The following SNED1 variants were observed in gnomAD, a reference collection of about 807,000 sequenced individuals.
SNED1 encodes the protein sushi, nidogen and EGF like domains 1, also known as sushi, nidogen and EGF-like domain-containing protein 1.
In SNED1, 81 loss-of-function variants were observed where a neutral mutation model predicts 166.7. The ratio of observed to expected loss-of-function variants is 0.49; its 90% CI spans 0.41 to 0.58. The LOEUF (loss-of-function observed/expected upper bound fraction) is 0.58. Among genes scored for constraint, SNED1 ranks in the 20% least tolerant of loss-of-function variants. The probability of loss-of-function intolerance (pLI) is 0.00; values close to 1 mark genes in which losing one functional copy is unlikely to be tolerated. For missense variants in SNED1, 1,604 were observed against 2,000.2 expected, an observed-to-expected ratio of 0.80 and a Z score of 3.78; for synonymous variants, 762 against 822.0, an observed-to-expected ratio of 0.93 and a Z score of 1.25.
intron 29 of SNED1, chr2:241,087,180 A>C: frequency 3.6e-6 from 2 of 549,426 alleles, no homozygotes; most frequent in Non-Finnish European, 6.5e-6. Context: ...TATTTTATGC[A>C]TATTACTGTA....
Position 241,064,995 on chromosome 2 carries a change from G to T in SNED1, c.2713+38G>T. The T allele has an allele frequency of 1.4e-6, 2 of 1,476,670 alleles. No homozygotes were observed. The highest frequency in any genetic ancestry group is 9.1e-7 in the Non-Finnish European group (1 of 1,094,392). 91.5% of individuals were successfully genotyped at this position (1,476,670 alleles called of 1,614,324 possible). On this transcript the variant is annotated intron_variant, in intron 20 of 31. Transcript: ENST00000310397. The surrounding 1 kb of genome is among the most constrained non-coding windows in gnomAD (Gnocchi z 7.0). ...GGCGCCTCCAGTGAGGGAGCCACGA[G>T]GGGGTCCCCTCTCCCTAGAGGGCCC...
Position 241,040,159 on chromosome 2 carries a change from C to T in SNED1, c.1130C>T (p.Ala377Val). The change falls in exon 7 of 32, where the codon GCC (alanine) becomes GTC (valine). Residue 377 changes from alanine to valine, a missense_variant. Ala to Val is a moderately conservative substitution (Grantham distance 64, BLOSUM62 0). Around this residue, in one of 2 missense-constraint regions of SNED1, gnomAD observed 1,237 missense variants for 1,620.8 expected, o/e 0.76. Transcript: ENST00000310397. The stretch of plus-strand genomic sequence containing the variant: ...GGCTCTGCGGTGTGTGTGTGCCAGG[C>T]CGGATACACCGGAGCAGCCTGCGAG... ...ENGSAVCVCQ[A>V]GYTGAACEMD... The T allele has an allele frequency of 6.3e-7, 1 of 1,599,968 alleles. No homozygotes were observed. Among genetic ancestry groups the T allele is most frequent in the Admixed American group, 1.7e-5 (1 of 58,268 alleles).
intron 1 of SNED1, among the ~76,000 whole-genome samples, chr2:241,022,185 C>T (rs973541167): frequency 6.6e-6 from 1 of 152,192 alleles, no homozygotes; most frequent in South Asian, 2.1e-4. Flanking sequence ...GTTGTCTTTT[C>T]ATTTCCTAAA....
intron 26 of SNED1, chr2:241,072,920 G>T: frequency 3.0e-6 from 1 of 338,714 alleles, no homozygotes. Context: ...AAGAAGCAGG[G>T]GTGGAAGGAG....
At chr2:241,039,686 A>G (rs2061468435) in intron 6 of SNED1, among the ~76,000 whole-genome samples, 1 of 151,716 alleles carries the variant, frequency 6.6e-6, no homozygotes, top group Non-Finnish European at 1.5e-5. Flanking sequence ...GGTGCTGCAC[A>G]CCCTTCCAGG....
intron 20 of SNED1, 122 bp from the exon 21 acceptor site, chr2:241,065,177 T>C: frequency 9.7e-7 from 1 of 1,035,596 alleles, no homozygotes; most frequent in Non-Finnish European, 1.4e-6. Context: ...AAAGAAGGAC[T>C]CTGCCAGCGA....
At chr2:241,089,940 C>G in intron 31 of SNED1, 1 of 1,538,088 alleles carries the variant, frequency 6.5e-7, no homozygotes. Context: ...CGTAGAAAAC[C>G]TACAGTAAAA....
At chr2:241,024,235 C>CTTTTTTTTTTTTTTTTTTT (rs10664618) in intron 1 of SNED1, among the ~76,000 whole-genome samples, 4 of 46,938 alleles carry the variant, frequency 8.5e-5, no homozygotes, top group Admixed American at 3.5e-4. Context: ...ACTCTACTAC[C>CTTTTTTTTTTTTTTTTTTT]TTTTTTTTTT....
chr2:241,084,481 T>A (rs56237915), intron 29 of SNED1, among the ~76,000 whole-genome samples: 3 of 152,072 alleles, frequency 2.0e-5, no homozygotes, highest in African/African-American at 7.2e-5. Flanking sequence ...ACCATACACA[T>A]CTTCAACTTC....
At chr2:241,076,888 G>A (rs1313653641) in intron 27 of SNED1, among the ~76,000 whole-genome samples, 3 of 152,294 alleles carry the variant, frequency 2.0e-5, no homozygotes, top group African/African-American at 4.8e-5. Context: ...TCAGGAGATC[G>A]AGACCATGGT....
At chr2:241,081,929 G>A in intron 28 of SNED1, 136 bp downstream of exon 28, 1 of 688,794 alleles carries the variant, frequency 1.5e-6, no homozygotes, top group South Asian at 1.7e-5. Context: ...GGTGCACGGG[G>A]CTGACCCCTG....
chr2:241,005,834 C>G (rs1198070260), intron 1 of SNED1, among the ~76,000 whole-genome samples: 1 of 152,048 alleles, frequency 6.6e-6, no homozygotes, highest in East Asian at 1.9e-4. Flanking sequence ...CTTTTTATCA[C>G]TGCTTTTCAG....
chr2:241,087,673 G>A, intron 30 of SNED1, 198 bp downstream of exon 30: 3 of 1,374,442 alleles, frequency 2.2e-6, no homozygotes, highest in South Asian at 3.7e-5. Flanking sequence ...ATACCCAGAG[G>A]GGCACAGCCG....
At chr2:241,039,981 G>T in intron 6 of SNED1, 94 bp from the exon 7 acceptor site, 2 of 994,722 alleles carry the variant, frequency 2.0e-6, no homozygotes, top group East Asian at 2.6e-5. Flanking sequence ...TAAGCCAGTT[G>T]GGGGTGGGGC....
chr2:241,065,267 C>G, intron 20 of SNED1, 32 bp from the exon 21 acceptor site: 1 of 1,609,738 alleles, frequency 6.2e-7, no homozygotes. Flanking sequence ...GCTGACCAGT[C>G]CCCTCCCCTT....
At chr2:241,072,415 C>T (rs2062777121) in intron 26 of SNED1, 1 of 361,176 alleles carries the variant, frequency 2.8e-6, no homozygotes, top group South Asian at 2.1e-5. Flanking sequence ...GACACAGAAG[C>T]CCTGAGACAT....
At position 241,036,780 on chromosome 2, in the gene SNED1, A is replaced by G. The variant is rs201187799; in HGVS notation, c.806-10A>G. 1.5e-4 allele frequency: 243 copies of G among 1,606,272 alleles called. No individual in the cohort carries two copies. In the African/African-American group the frequency reaches 2.9e-3, roughly 19 times the overall value. ...GCGGCTGAGGCTCCAGCCCCTCCCT[A>G]TGTCTGCAGCGTCCGTGTGCCTGGC... On this transcript the variant is annotated splice_polypyrimidine_tract_variant and intron_variant, in intron 4 of 31. Transcript: ENST00000310397.
chr2:241,004,440 A>G lies in SNED1; in HGVS notation c.213+5390A>G, dbSNP rs542585403. Among the ~76,000 whole-genome samples, 4 of 152,228 alleles carry G rather than the reference A, an allele frequency of 2.6e-5. No homozygotes were observed. The South Asian group carries it at 8.3e-4, about 32-fold the overall frequency. On this transcript the variant is annotated intron_variant, in intron 1 of 31. Coordinates refer to ENST00000310397, the MANE Select transcript of SNED1 (RefSeq NM_001080437.3). ...TTAACCTATCATCTTCCTATTTGTT[A>G]CATCTGTTCTCTATAGTTTCTTCTT... is the stretch of plus-strand genomic sequence containing the variant.
chr2:241,010,010 T>TGCCCAGAAAGCTGCCAGGAAATAAAAG (rs1395009192), intron 1 of SNED1: 2 of 152,312 alleles, frequency 1.3e-5, no homozygotes, highest in African/African-American at 4.8e-5. Flanking sequence ...GAATCCTAAT[T>TGCCCAGAAAGCTGCCAGGAAATAAAAG]GCCCAGAAAG....
Sources: allele counts gnomAD v4.1 joint callset (sites outside exome capture counted in the v4.1 genomes callset), GRCh38; gene constraint gnomAD v4.1.1; regional missense constraint gnomAD v4.1.1; non-coding constraint Gnocchi (gnomAD v3.1); transcripts MANE v1.5; gene names NCBI Gene and HGNC (gene_info 2026-07-23, HGNC 2026-07-21).